ACOXL: variants seen among roughly 807,000 people sequenced by gnomAD.
The protein encoded by ACOXL is acyl-CoA oxidase like.
Under a neutral mutation model 71.9 loss-of-function variants are expected in ACOXL, and 70 were observed. The observed-to-expected ratio is 0.97, with a 90% CI of 0.80 to 1.19. ACOXL has a LOEUF of 1.19. Among genes scored for constraint, ACOXL ranks in the 50% most tolerant of loss-of-function variants. The pLI, the probability that ACOXL is intolerant of heterozygous loss-of-function variation, is 0.00. For missense variants in ACOXL, 703 were observed against 736.3 expected, an observed-to-expected ratio of 0.95 and a Z score of 0.52; for synonymous variants, 253 against 281.6, an observed-to-expected ratio of 0.90 and a Z score of 1.02.
chr2:110,769,535 T>C, intron 2 of ACOXL, among the ~76,000 whole-genome samples: 1 of 151,392 alleles, frequency 6.6e-6, no homozygotes, highest in East Asian at 1.9e-4. Context: ...ATGCCTGTAA[T>C]CCTAGCACTT....
chr2:110,967,398 A>G (rs2061980319), intron 12 of ACOXL, among the ~76,000 whole-genome samples: 1 of 152,198 alleles, frequency 6.6e-6, no homozygotes, highest in Non-Finnish European at 1.5e-5. Flanking sequence ...AGCAATAACA[A>G]AAGAGCTAGC....
intron 14 of ACOXL, among the ~76,000 whole-genome samples, chr2:111,022,764 A>G (rs2064829874): frequency 6.6e-6 from 1 of 152,244 alleles, no homozygotes; most frequent in Admixed American, 6.5e-5. Context: ...CAGCAGAGGG[A>G]GGCGAGGGCA....
At chr2:110,854,506 G>T (rs1693007935) in intron 10 of ACOXL, among the ~76,000 whole-genome samples, 1 of 152,100 alleles carries the variant, frequency 6.6e-6, no homozygotes, top group African/African-American at 2.4e-5. Flanking sequence ...TTCAGCCCCA[G>T]CCCCCAAGGA....
At chr2:110,950,925 T>TCG (rs1326975982) in intron 12 of ACOXL, among the ~76,000 whole-genome samples, 1 of 151,968 alleles carries the variant, frequency 6.6e-6, no homozygotes, top group Non-Finnish European at 1.5e-5. Context: ...TCTCTCTCTC[T>TCG]CATAGTCTGA....
intron 16 of ACOXL, among the ~76,000 whole-genome samples, chr2:111,068,992 C>T (rs567717197): frequency 4.5e-4 from 69 of 152,206 alleles, no homozygotes; most frequent in South Asian, 1.7e-3. Context: ...GAAAATGTTC[C>T]GTGGTCATTG....
chr2:111,078,552 C>T (rs1003435304), intron 16 of ACOXL, among the ~76,000 whole-genome samples: 12 of 152,196 alleles, frequency 7.9e-5, no homozygotes, highest in Admixed American at 2.0e-4. Context: ...GTGTGAGCCA[C>T]CACACCTAGC....
intron 1 of ACOXL, among the ~76,000 whole-genome samples, chr2:110,740,832 T>C (rs528939170): frequency 6.6e-6 from 1 of 152,274 alleles, no homozygotes; most frequent in Non-Finnish European, 1.5e-5. Flanking sequence ...CCAGGTCCGG[T>C]GGGACACTGG....
At chr2:111,091,456 T>G (rs974605119) in intron 16 of ACOXL, among the ~76,000 whole-genome samples, 2 of 152,206 alleles carry the variant, frequency 1.3e-5, no homozygotes, top group Non-Finnish European at 2.9e-5. Context: ...ACCTGAGCGA[T>G]GAGGATTAAA....
intron 2 of ACOXL, among the ~76,000 whole-genome samples, chr2:110,779,414 A>G (rs1281532072): frequency 6.6e-6 from 1 of 152,230 alleles, no homozygotes; most frequent in Non-Finnish European, 1.5e-5. Context: ...GGAGGGAGGA[A>G]GGAACACAAT....
At chr2:110,732,817 C>T (rs1353067449) in intron 1 of ACOXL, 43 bp downstream of exon 1, 1 of 152,364 alleles carries the variant, frequency 6.6e-6, no homozygotes, top group Non-Finnish European at 1.5e-5. Context: ...CCCCCGAAGC[C>T]GCCGAGCGTG....
chr2:110,941,311 C>T (rs1404713750), intron 12 of ACOXL, among the ~76,000 whole-genome samples: 1 of 152,198 alleles, frequency 6.6e-6, no homozygotes, highest in African/African-American at 2.4e-5. Context: ...GATGCAGCAA[C>T]AGGCAGCAGA....
At chr2:110,979,851 C>T (rs1235315180) in intron 12 of ACOXL, among the ~76,000 whole-genome samples, 2 of 152,184 alleles carry the variant, frequency 1.3e-5, no homozygotes, top group African/African-American at 4.8e-5. Context: ...TCCCACTGAC[C>T]ATCGCTTTGG....
chr2:110,990,152 T>A (rs956853578), intron 13 of ACOXL, among the ~76,000 whole-genome samples: 1 of 152,210 alleles, frequency 6.6e-6, no homozygotes, highest in African/African-American at 2.4e-5. Context: ...ATATATTAAA[T>A]CTATATACTT....
At chr2:110,797,764 C>T (rs561668337) in intron 5 of ACOXL, among the ~76,000 whole-genome samples, 4 of 152,306 alleles carry the variant, frequency 2.6e-5, no homozygotes, top group African/African-American at 7.2e-5. Context: ...TTGGATATTC[C>T]ATCCTTTCTT....
chr2:110,935,585 C>G (rs1407012235), intron 12 of ACOXL, among the ~76,000 whole-genome samples: 2 of 152,180 alleles, frequency 1.3e-5, no homozygotes, highest in East Asian at 1.9e-4. Flanking sequence ...AAGACGCAGT[C>G]CATGCTGGAA....
intron 12 of ACOXL, among the ~76,000 whole-genome samples, chr2:110,985,696 G>A (rs1164214709): frequency 6.6e-6 from 1 of 152,114 alleles, no homozygotes; most frequent in Non-Finnish European, 1.5e-5. Flanking sequence ...AAGGGAACAG[G>A]GGAGTTTAAT....
Position 110,885,516 on chromosome 2 carries a change from T to A in ACOXL, c.789-23273T>A, listed in dbSNP as rs537936340. ...TTTTTACAATTTGTTATGCTTCGTA[T>A]TTCATATTTGCATCATTTTAAGACT... On this transcript the variant is annotated intron_variant, in intron 10 of 17. Coordinates refer to ENST00000439055, the MANE Select transcript of ACOXL (RefSeq NM_001142807.4). 2.6e-5 allele frequency among the ~76,000 whole-genome samples: 4 copies of A among 152,338 alleles called. No homozygotes were observed. The South Asian group carries it at 8.3e-4, about 32-fold the overall frequency.
intron 15 of ACOXL, among the ~76,000 whole-genome samples, chr2:111,048,135 T>G (rs1160337531): frequency 6.6e-6 from 1 of 152,252 alleles, no homozygotes; most frequent in Non-Finnish European, 1.5e-5. Context: ...TCCCTCAGCC[T>G]TGAGGCTGAG....
At chr2:110,938,059 G>A (rs967749665) in intron 12 of ACOXL, among the ~76,000 whole-genome samples, 3 of 152,208 alleles carry the variant, frequency 2.0e-5, no homozygotes, top group South Asian at 4.1e-4. Flanking sequence ...AGCCCAGCAC[G>A]ACGAGGCAGG....
Sources: gnomAD v4.1 joint callset for allele counts (sites outside exome capture counted in the v4.1 genomes callset) on GRCh38, gnomAD v4.1.1 for gene constraint, MANE v1.5 for transcripts, NCBI Gene and HGNC (gene_info 2026-07-23, HGNC 2026-07-21) for gene names.